Variants in EFCAB6 observed in about 807,000 individuals in gnomAD.
The protein encoded by EFCAB6 is EF-hand calcium-binding domain-containing protein 6.
In EFCAB6, 156 loss-of-function variants were observed where a neutral mutation model predicts 169.8. That is an observed-to-expected ratio of 0.92 (90% CI 0.81 to 1.05). The LOEUF (loss-of-function observed/expected upper bound fraction) is 1.05. EFCAB6 is among the 50% of genes least tolerant of loss of function. The pLI is 0.00. For synonymous variants in EFCAB6, 698 were observed against 676.4 expected, an observed-to-expected ratio of 1.03 and a Z score of -0.50; for missense variants, 1,800 against 1,829.1, an observed-to-expected ratio of 0.98 and a Z score of 0.29.
At chr22:43,669,646 T>C (rs11090603) in intron 15 of EFCAB6, among the ~76,000 whole-genome samples, 17,010 of 152,172 alleles carry the variant, frequency 0.11, 1,036 homozygotes, top group South Asian at 0.21. Flanking sequence ...TTGATTGATA[T>C]CTTGTGATGG....
rs140802150 is a variant in EFCAB6 at position 43,793,112 on chromosome 22, CTG to C, written c.-7-10789_-7-10788del. Among the ~76,000 whole-genome samples, 245 of 152,266 alleles carry C rather than the reference CTG, an allele frequency of 1.6e-3. 1 individual carries two copies. Among genetic ancestry groups the C allele is most frequent in the African/African-American group, 5.3e-3 (222 of 41,544 alleles). On this transcript the variant is annotated intron_variant, in intron 2 of 31. Coordinates refer to ENST00000262726, the MANE Select transcript of EFCAB6 (RefSeq NM_022785.4). ...AGTAAGATAATCACCCGGAAATGCA[CTG>C]CCTGTTGTGCATTTTATTACTTGAA... is the stretch of plus-strand genomic sequence containing the variant.
intron 24 of EFCAB6, 111 bp downstream of exon 24, chr22:43,589,963 G>C: frequency 7.3e-7 from 1 of 1,363,196 alleles, no homozygotes; most frequent in Non-Finnish European, 1.0e-6. Flanking sequence ...GACATGGAGG[G>C]TATTTTCATC....
At chr22:43,686,543 G>A (rs1316148958) in intron 11 of EFCAB6, among the ~76,000 whole-genome samples, 1 of 152,068 alleles carries the variant, frequency 6.6e-6, no homozygotes, top group Non-Finnish European at 1.5e-5. Flanking sequence ...TCTAGACAAC[G>A]TGCTATTGGA....
At chr22:43,672,644 C>T (rs1019912333) in intron 13 of EFCAB6, among the ~76,000 whole-genome samples, 12 of 152,032 alleles carry the variant, frequency 7.9e-5, no homozygotes, top group Admixed American at 7.9e-4. Context: ...GATGAGAACT[C>T]ATGGACACAT....
intron 13 of EFCAB6, among the ~76,000 whole-genome samples, chr22:43,673,748 C>A (rs2057597736): frequency 6.6e-6 from 1 of 152,016 alleles, no homozygotes; most frequent in African/African-American, 2.4e-5. Flanking sequence ...TCACTGCACT[C>A]CAGCCTGAGC....
chr22:43,556,436 G>A (rs574016325), intron 26 of EFCAB6, among the ~76,000 whole-genome samples: 8 of 152,270 alleles, frequency 5.3e-5, no homozygotes, highest in East Asian at 1.9e-4. Context: ...GTTCCTGTAC[G>A]TGGGTATATT....
At chr22:43,629,315 C>T (rs932373944) in intron 19 of EFCAB6, among the ~76,000 whole-genome samples, 13 of 152,204 alleles carry the variant, frequency 8.5e-5, no homozygotes, top group South Asian at 4.1e-4. Flanking sequence ...CAGTTCCTGA[C>T]GGTGCCATGT....
At chr22:43,556,686 T>A (rs1050781718) in intron 26 of EFCAB6, among the ~76,000 whole-genome samples, 9 of 152,322 alleles carry the variant, frequency 5.9e-5, no homozygotes, top group African/African-American at 1.9e-4. Context: ...TCTTTCTTAC[T>A]TTCTGAAACT....
At chr22:43,673,378 G>C (rs562358204) in intron 13 of EFCAB6, among the ~76,000 whole-genome samples, 8 of 152,044 alleles carry the variant, frequency 5.3e-5, no homozygotes, top group African/African-American at 1.9e-4. Context: ...TAATTACATA[G>C]AGTAATACAA....
At chr22:43,708,625 T>G (rs2059045693) in intron 10 of EFCAB6, among the ~76,000 whole-genome samples, 1 of 152,018 alleles carries the variant, frequency 6.6e-6, no homozygotes, top group Admixed American at 6.5e-5. Flanking sequence ...ATACCTAAAA[T>G]ATCACAATAA....
chr22:43,675,282 AATT>A (rs201307456), intron 13 of EFCAB6, among the ~76,000 whole-genome samples: 3,042 of 133,010 alleles, frequency 0.023, 90 homozygotes, highest in African/African-American at 0.063. Context: ...GCTATAATAT[AATT>A]ATTATATAGC....
intron 8 of EFCAB6, among the ~76,000 whole-genome samples, chr22:43,726,116 G>T (rs1471072431): frequency 6.6e-6 from 1 of 151,752 alleles, no homozygotes; most frequent in East Asian, 1.9e-4. Flanking sequence ...AGGCATTGGG[G>T]ATACATAAAA....
chr22:43,787,916 T>C (rs1354480153), intron 2 of EFCAB6, among the ~76,000 whole-genome samples: 1 of 152,188 alleles, frequency 6.6e-6, no homozygotes, highest in African/African-American at 2.4e-5. Context: ...TATAGATCAA[T>C]GGAATAGAAT....
intron 22 of EFCAB6, among the ~76,000 whole-genome samples, chr22:43,601,876 C>T (rs538619510): frequency 6.6e-6 from 1 of 152,326 alleles, no homozygotes; most frequent in East Asian, 1.9e-4. Context: ...TGCTCCCTTG[C>T]CTTCTGTGCC....
chr22:43,681,861 G>T (rs1163388698), intron 12 of EFCAB6, among the ~76,000 whole-genome samples: 1 of 152,176 alleles, frequency 6.6e-6, no homozygotes, highest in African/African-American at 2.4e-5. Context: ...ATGACTGAGA[G>T]GAAGTAAGCC....
intron 2 of EFCAB6, among the ~76,000 whole-genome samples, chr22:43,805,079 C>G (rs889952188): frequency 6.6e-6 from 1 of 152,136 alleles, no homozygotes; most frequent in Non-Finnish European, 1.5e-5. Context: ...CAACAGCAAA[C>G]AAACTGAAAA....
At chr22:43,710,109 G>A (rs933814470) in intron 10 of EFCAB6, among the ~76,000 whole-genome samples, 3 of 152,132 alleles carry the variant, frequency 2.0e-5, no homozygotes, top group Non-Finnish European at 2.9e-5. Flanking sequence ...AAGGTTCTCT[G>A]TCTTACCTGG....
chr22:43,560,312 T>C (rs2048952701), intron 26 of EFCAB6, among the ~76,000 whole-genome samples: 1 of 152,154 alleles, frequency 6.6e-6, no homozygotes, highest in Non-Finnish European at 1.5e-5. Context: ...GGAATGAAGT[T>C]TTTGACTCAC....
chr22:43,784,549 GTA>G lies in EFCAB6; in HGVS notation c.-7-2226_-7-2225del, dbSNP rs1357174759. On this transcript the variant is annotated intron_variant, in intron 2 of 31. Transcript: ENST00000262726. Reference sequence around the variant, plus strand: ...TGTGTGTGTGTGTGTGTGTGTATATGTATATATACACATATATATGTGTACAT... The same window carrying G: ...TGTGTGTGTGTGTGTGTGTGTATATGTATATACACATATATATGTGTACAT... 1.9e-4 allele frequency among the ~76,000 whole-genome samples: 15 copies of G among 77,934 alleles called. 1 individual carries two copies. Among genetic ancestry groups the G allele is most frequent in the African/African-American group, 5.8e-4 (13 of 22,464 alleles). The allele number at this position is 77,934 out of a possible 152,430, so 51.1% of individuals were successfully genotyped here. A position where few individuals can be genotyped will look rare whatever the true frequency, so the allele number is the denominator to read the frequency against.
Sources: gnomAD v4.1 joint callset for allele counts (sites outside exome capture counted in the v4.1 genomes callset) on GRCh38, gnomAD v4.1.1 for gene constraint, MANE v1.5 for transcripts, NCBI Gene and HGNC (gene_info 2026-07-23, HGNC 2026-07-21) for gene names.